The following ZDHHC11B variants were observed in gnomAD, a reference collection of about 807,000 sequenced individuals.
The protein encoded by ZDHHC11B is zDHHC palmitoyltransferase 11B (putative).
ZDHHC11B carries 17 observed loss-of-function variants against 42.3 expected under a neutral mutation model. The ratio of observed to expected loss-of-function variants is 0.40; its 90% CI spans 0.27 to 0.60. The LOEUF (loss-of-function observed/expected upper bound fraction) is 0.60, where lower values mean the gene tolerates loss of function less well. ZDHHC11B is among the 20% of genes least tolerant of loss of function. The pLI is 0.41. For missense variants in ZDHHC11B, 262 were observed against 463.2 expected, an observed-to-expected ratio of 0.57 and a Z score of 3.99; for synonymous variants, 123 against 193.5, an observed-to-expected ratio of 0.64 and a Z score of 3.02.
chr5:775,522 C>T (rs572392576), intron 1 of ZDHHC11B, among the ~76,000 whole-genome samples: 17 of 152,042 alleles, frequency 1.1e-4, no homozygotes, highest in South Asian at 1.0e-3. Context: ...CAGGCACGCA[C>T]GCCACACACT....
intron 4 of ZDHHC11B, among the ~76,000 whole-genome samples, chr5:761,746 G>A (rs1438749599): frequency 6.6e-6 from 1 of 151,844 alleles, no homozygotes; most frequent in Non-Finnish European, 1.5e-5. Flanking sequence ...CTCAGAAAAG[G>A]CCTCTTGGGA....
At chr5:783,830 TCCCAAACCCCATCAAAACAGCAGCCC>T in intron 1 of ZDHHC11B, among the ~76,000 whole-genome samples, 1 of 17,318 alleles carries the variant, frequency 5.8e-5, no homozygotes, top group Admixed American at 7.0e-4. Flanking sequence ...AACAGCAGCC[TCCCAAACCCCATCAAAACAGCAGCCC>T]CCCAAGCCCC....
rs1743702101 is a variant in ZDHHC11B, at chr5:737,748, G to A, written c.935+3846C>T. ...GCAGAAAAAGCATCTGACAAACTCT[G>A]CCATCCCTTTATAATAGAACACTCA... On this transcript the variant is annotated intron_variant, in intron 10 of 13. Transcript: ENST00000508859. 2.0e-5 allele frequency among the ~76,000 whole-genome samples: 3 copies of A among 149,300 alleles called. No homozygotes were observed. In the South Asian group the frequency reaches 6.7e-4, roughly 33 times the overall value.
chr5:746,571 C>A (rs1479888968), intron 8 of ZDHHC11B, among the ~76,000 whole-genome samples: 1 of 145,168 alleles, frequency 6.9e-6, no homozygotes, highest in Non-Finnish European at 1.5e-5. Context: ...GCTCAGAGGA[C>A]AGACCAGGTC....
intron 8 of ZDHHC11B, chr5:748,012 A>T: frequency 2.4e-6 from 1 of 419,322 alleles, no homozygotes; most frequent in Non-Finnish European, 4.1e-6. Context: ...TCATTGTTAG[A>T]ATTTCTACTT....
At position 750,842 on chromosome 5, in the gene ZDHHC11B, G is replaced by A. The variant is rs772955243; in HGVS notation, c.628+291C>T. ...TGACAGGTGCTACAGGGCTGACTGC[G>A]GAGGGCAGGGGCAGAGGTGGACCCC... On this transcript the variant is annotated intron_variant, in intron 7 of 13. Coordinates refer to ENST00000508859, the MANE Select transcript of ZDHHC11B (RefSeq NM_001351303.2). Among the ~76,000 whole-genome samples, 8 of 128,590 alleles carry A rather than the reference G, an allele frequency of 6.2e-5. 1 individual carries two copies. Among genetic ancestry groups the A allele is most frequent in the Non-Finnish European group, 1.2e-4 (7 of 57,692 alleles). 84.4% of individuals were successfully genotyped at this position (128,590 alleles called of 152,430 possible). A position where few individuals can be genotyped will look rare whatever the true frequency, so the allele number is the denominator to read the frequency against.
intron 10 of ZDHHC11B, among the ~76,000 whole-genome samples, chr5:739,186 G>A (rs1343165028): frequency 1.3e-5 from 2 of 150,694 alleles, no homozygotes; most frequent in African/African-American, 4.9e-5. Context: ...ATCACTTGAA[G>A]TCAAGAGTTC....
intron 1 of ZDHHC11B, among the ~76,000 whole-genome samples, chr5:774,066 A>G (rs1736268291): frequency 6.6e-6 from 1 of 151,836 alleles, no homozygotes; most frequent in Non-Finnish European, 1.5e-5. Flanking sequence ...GTGTGTCACC[A>G]GCTCCAAGGA....
chr5:751,410 G>GTGTGGGGTGTGCAGGGGCATGCGGGGCA (rs1491366843), intron 6 of ZDHHC11B, among the ~76,000 whole-genome samples, 153 bp from the exon 7 acceptor site: 62 of 51,414 alleles, frequency 1.2e-3, no homozygotes, highest in African/African-American at 2.9e-3. Context: ...GCAAGGGCAG[G>GTGTGGGGTGTGCAGGGGCATGCGGGGCA]TGTGGGACAG....
rs183959038 is a variant in ZDHHC11B, at chr5:749,194, A to C, written c.629-635T>G. ...CTCATGGCCCACGCTGTGTCCCTGG[A>C]CCCTCTGCACCCTAAAACAGCCGCC... On this transcript the variant is annotated intron_variant, in intron 7 of 13. Coordinates refer to ENST00000508859, the MANE Select transcript of ZDHHC11B (RefSeq NM_001351303.2). Among the ~76,000 whole-genome samples the C allele has an allele frequency of 5.4e-4, 69 of 128,860 alleles. 18 individuals are homozygous for C. The Middle Eastern group carries it at 0.012, about 22-fold the overall frequency. The allele number at this position is 128,860 out of a possible 152,430, so 84.5% of individuals were successfully genotyped here.
intron 1 of ZDHHC11B, among the ~76,000 whole-genome samples, chr5:776,760 G>T (rs1330837251): frequency 2.6e-5 from 4 of 151,874 alleles, no homozygotes; most frequent in Non-Finnish European, 4.4e-5. Context: ...TCCTGCCGAG[G>T]AGGTGCTTCC....
intron 10 of ZDHHC11B, among the ~76,000 whole-genome samples, chr5:739,526 A>G (rs1743930599): frequency 6.7e-6 from 1 of 149,990 alleles, no homozygotes; most frequent in Admixed American, 6.7e-5. Flanking sequence ...GCTGAACATC[A>G]CTAATTAACA....
In ZDHHC11B at chr5:730,027, G is replaced by A. The variant is rs187592888; in HGVS notation, c.1058+407C>T. ...TTAGTTTGGAGGGTGAAAAAGTGGT[G>A]TGCAGTTGGGCTGGAATTGTGCAGT... On this transcript the variant is annotated intron_variant, in intron 12 of 13. Transcript: ENST00000508859. 1.6e-3 allele frequency among the ~76,000 whole-genome samples: 249 copies of A among 151,438 alleles called. 5 individuals are homozygous for A. The highest frequency in any genetic ancestry group is 3.0e-3 in the Non-Finnish European group (201 of 67,810).
At chr5:719,074 T>G (rs1463688822) in intron 12 of ZDHHC11B, among the ~76,000 whole-genome samples, 1 of 151,918 alleles carries the variant, frequency 6.6e-6, no homozygotes, top group Middle Eastern at 3.4e-3. Context: ...TAACTGGTCA[T>G]AGAGATAAAG....
intron 12 of ZDHHC11B, among the ~76,000 whole-genome samples, chr5:724,856 G>A (rs1198527847): frequency 1.4e-5 from 2 of 147,652 alleles, no homozygotes; most frequent in African/African-American, 5.1e-5. Context: ...GCTAATGTTT[G>A]TCCTCCACCC....
At chr5:749,353 C>CCGGG in intron 7 of ZDHHC11B, among the ~76,000 whole-genome samples, 1 of 130,402 alleles carries the variant, frequency 7.7e-6, no homozygotes, top group South Asian at 3.3e-4. Context: ...TGGCAGAGGG[C>CCGGG]CAGGCAAGGC....
intron 11 of ZDHHC11B, chr5:732,696 A>C: frequency 2.3e-6 from 1 of 436,550 alleles, no homozygotes; most frequent in Non-Finnish European, 4.6e-6. Context: ...AGTCACCTGT[A>C]ACCTCCAGAA....
intron 1 of ZDHHC11B, among the ~76,000 whole-genome samples, chr5:780,952 G>A (rs1396769557): frequency 6.7e-6 from 1 of 148,894 alleles, no homozygotes; most frequent in African/African-American, 2.5e-5. Context: ...AGATGCCATG[G>A]GTGGGAGATG....
At chr5:730,408 C>T (rs781556809) in intron 12 of ZDHHC11B, 26 bp downstream of exon 12, 11 of 1,575,536 alleles carry the variant, frequency 7.0e-6, no homozygotes, top group African/African-American at 5.5e-5. Context: ...ACAGATAAAA[C>T]GTTCCCATTA....
Sources: allele counts gnomAD v4.1 joint callset (sites outside exome capture counted in the v4.1 genomes callset), GRCh38; gene constraint gnomAD v4.1.1; transcripts MANE v1.5; gene names NCBI Gene and HGNC (gene_info 2026-07-23, HGNC 2026-07-21).